The following ZFHX3 variants were observed in gnomAD, a reference collection of about 807,000 sequenced individuals.
The protein encoded by ZFHX3 is zinc finger homeobox protein 3.
A neutral mutation model predicts 279.1 loss-of-function variants in ZFHX3; 42 were observed. The ratio of observed to expected loss-of-function variants is 0.15; its 90% confidence interval spans 0.12 to 0.19. ZFHX3 has a LOEUF of 0.19. Among genes scored for constraint, ZFHX3 ranks in the 10% least tolerant of loss-of-function variants. The pLI is 1.00. For synonymous variants in ZFHX3, 2,293 were observed against 1,957.8 expected, an observed-to-expected ratio of 1.17 and a Z score of -4.52; for missense variants, 4,981 against 4,754.0, an observed-to-expected ratio of 1.05 and a Z score of -1.40.
intron 3 of ZFHX3, among the ~76,000 whole-genome samples, chr16:73,343,708 G>A (rs1482637484): frequency 1.3e-5 from 2 of 152,168 alleles, no homozygotes; most frequent in Admixed American, 6.5e-5. Context: ...AACAGAGTGA[G>A]ATCCCATCTC....
chr16:73,872,123 C>A (rs1433576642), intron 1 of ZFHX3, among the ~76,000 whole-genome samples: 1 of 152,164 alleles, frequency 6.6e-6, no homozygotes, highest in African/African-American at 2.4e-5. Context: ...ATCTCGAAAG[C>A]CAATAGGCAT....
chr16:72,873,894 C>T (rs1333470690), intron 4 of ZFHX3, among the ~76,000 whole-genome samples: 1 of 152,110 alleles, frequency 6.6e-6, no homozygotes, highest in Non-Finnish European at 1.5e-5. Flanking sequence ...AATCGTAACA[C>T]AGTTTACTTA....
intron 1 of ZFHX3, among the ~76,000 whole-genome samples, chr16:73,690,401 A>G (rs2053137100): frequency 6.6e-6 from 1 of 152,184 alleles, no homozygotes; most frequent in Admixed American, 6.5e-5. Flanking sequence ...TTTCAAATCA[A>G]TTTTGGGCCA....
intron 3 of ZFHX3, among the ~76,000 whole-genome samples, chr16:72,907,593 GTGTGTGTGTGTGTTGTGTGTA>G (rs1005099397): frequency 4.2e-5 from 6 of 144,570 alleles, no homozygotes; most frequent in African/African-American, 1.3e-4. Flanking sequence ...GTGTGTGTGT[GTGTGTGTGTGTGTTGTGTGTA>G]TGCACACAGG....
intron 1 of ZFHX3, among the ~76,000 whole-genome samples, chr16:73,000,596 G>C (rs13333860): frequency 0.011 from 1,616 of 152,200 alleles, 30 homozygotes; most frequent in African/African-American, 0.036. Flanking sequence ...GTCTCGACCC[G>C]TGGGCTCCCA....
intron 3 of ZFHX3, among the ~76,000 whole-genome samples, chr16:73,387,935 A>C (rs916452747): frequency 1.3e-5 from 2 of 151,920 alleles, no homozygotes; most frequent in Non-Finnish European, 2.9e-5. Context: ...AAGGGATACC[A>C]ATTTTTAAAC....
intron 4 of ZFHX3, among the ~76,000 whole-genome samples, chr16:72,832,113 G>A (rs1435750295): frequency 6.6e-6 from 1 of 152,108 alleles, no homozygotes; most frequent in Non-Finnish European, 1.5e-5. Flanking sequence ...GTGTCTGAAG[G>A]TGCTGCTCAG....
At chr16:73,323,721 A>T (rs1453177969) in intron 3 of ZFHX3, among the ~76,000 whole-genome samples, 1 of 152,190 alleles carries the variant, frequency 6.6e-6, no homozygotes, top group Non-Finnish European at 1.5e-5. Context: ...AGTCAGGAAA[A>T]GGGAGGAGGA....
chr16:72,952,932 C>A (rs1045787920), intron 2 of ZFHX3, among the ~76,000 whole-genome samples: 3 of 152,206 alleles, frequency 2.0e-5, no homozygotes, highest in Non-Finnish European at 2.9e-5. Context: ...CCCCACCCCC[C>A]AAGTGAAATT....
At chr16:73,459,154 A>C (rs2018427248) in intron 2 of ZFHX3, among the ~76,000 whole-genome samples, 1 of 152,264 alleles carries the variant, frequency 6.6e-6, no homozygotes, top group African/African-American at 2.4e-5. Context: ...AAGCTCATGG[A>C]GTCCCTGGAT....
At chr16:73,565,290 T>C (rs1456552172) in intron 2 of ZFHX3, among the ~76,000 whole-genome samples, 1 of 151,844 alleles carries the variant, frequency 6.6e-6, no homozygotes, top group Non-Finnish European at 1.5e-5. Context: ...AATATTTGCA[T>C]CTGATGATAA....
At chr16:73,059,524 T>TCTCTCTCTCTCTCTCTCTCTCTCTC (rs1965652142) in exon 1 of ZFHX3, 2 of 103,250 alleles carry the variant, frequency 1.9e-5, no homozygotes, top group Admixed American at 2.3e-4. Flanking sequence ...ATTTTCCCCT[T>TCTCTCTCTCTCTCTCTCTCTCTCTC]TCTCTCTCTC....
chr16:73,103,670 C>G (rs187760728), intron 7 of ZFHX3, among the ~76,000 whole-genome samples: 1 of 152,144 alleles, frequency 6.6e-6, no homozygotes, highest in African/African-American at 2.4e-5. Flanking sequence ...GAGCATTCTA[C>G]GGTCTGATGA....
intron 3 of ZFHX3, among the ~76,000 whole-genome samples, chr16:73,407,221 C>T (rs577658512): frequency 1.3e-5 from 2 of 152,280 alleles, no homozygotes; most frequent in Non-Finnish European, 2.9e-5. Flanking sequence ...AAATGCCAGT[C>T]GTGCAGAGGT....
At chr16:73,025,967 C>G (rs1260593879) in intron 1 of ZFHX3, among the ~76,000 whole-genome samples, 2 of 151,982 alleles carry the variant, frequency 1.3e-5, no homozygotes, top group Non-Finnish European at 2.9e-5. Flanking sequence ...GTTATGTGAC[C>G]TCCACAAAGC....
chr16:72,960,090 G>C lies in ZFHX3; in HGVS notation c.56C>G (p.Pro19Arg), dbSNP rs932382218. Residue 19 changes from proline (P) to arginine (R), a missense_variant, in exon 2 of 10, where the codon CCT becomes CGT. Transcript: ENST00000268489. ...VSGKDNGCGIPQHQQWTELNS... is the reference protein window; with the variant it reads ...VSGKDNGCGIRQHQQWTELNS... Reference sequence around the variant, plus strand: ...GAGTTCAGTCCATTGCTGGTGCTGAGGGATACCGCACCCATTGTCCTTCCC... The same window carrying C: ...GAGTTCAGTCCATTGCTGGTGCTGACGGATACCGCACCCATTGTCCTTCCC... 1.2e-6 allele frequency: 2 copies of C among 1,612,282 alleles called. No individual in the cohort carries two copies.
intron 4 of ZFHX3, among the ~76,000 whole-genome samples, chr16:72,886,234 C>T (rs755215640): frequency 2.6e-5 from 4 of 152,020 alleles, no homozygotes; most frequent in South Asian, 2.1e-4. Flanking sequence ...TTATATGGAC[C>T]GAACTGGAGC....
intron 1 of ZFHX3, among the ~76,000 whole-genome samples, chr16:73,705,156 G>A (rs2053290790): frequency 6.6e-6 from 1 of 152,164 alleles, no homozygotes; most frequent in Admixed American, 6.5e-5. Context: ...TATTATCTTT[G>A]CTTTTAATAT....
chr16:73,328,218 C>T (rs900053656), intron 3 of ZFHX3, among the ~76,000 whole-genome samples: 19 of 152,130 alleles, frequency 1.2e-4, no homozygotes, highest in Admixed American at 1.0e-3. Context: ...ACCAGATCTT[C>T]GGTGGGGAAC....
Sources: allele counts gnomAD v4.1 joint callset (sites outside exome capture counted in the v4.1 genomes callset), GRCh38; gene constraint gnomAD v4.1.1; transcripts MANE v1.5; gene names NCBI Gene and HGNC (gene_info 2026-07-23, HGNC 2026-07-21).